VPS8: variants seen among roughly 807,000 people sequenced by gnomAD.
VPS8 encodes the protein VPS8 subunit of CORVET complex.
Under a neutral mutation model 216.4 loss-of-function variants are expected in VPS8, and 129 were observed. The observed-to-expected ratio is 0.60, with a 90% CI of 0.52 to 0.69. The LOEUF (loss-of-function observed/expected upper bound fraction) is 0.69. Among genes scored for constraint, VPS8 ranks in the 30% least tolerant of loss-of-function variants. The pLI, the probability that VPS8 is intolerant of heterozygous loss-of-function variation, is 0.00. For missense variants in VPS8, 1,531 were observed against 1,683.5 expected, an observed-to-expected ratio of 0.91 and a Z score of 1.59; for synonymous variants, 571 against 565.4, an observed-to-expected ratio of 1.01 and a Z score of -0.14.
At chr3:184,940,704 G>GGAAGGAAAGTTTCCTTCC (rs1742526736) in intron 36 of VPS8, among the ~76,000 whole-genome samples, 1 of 152,150 alleles carries the variant, frequency 6.6e-6, no homozygotes, top group Admixed American at 6.6e-5. Context: ...CTTCCTGATG[G>GGAAGGAAAGTTTCCTTCC]TGTGGGAAGG....
intron 23 of VPS8, among the ~76,000 whole-genome samples, chr3:184,897,313 A>G (rs1194348913): frequency 1.3e-5 from 2 of 152,122 alleles, no homozygotes; most frequent in African/African-American, 4.8e-5. Flanking sequence ...TTGCTGGTGA[A>G]TTGGGATATG....
intron 46 of VPS8, among the ~76,000 whole-genome samples, chr3:185,035,795 A>G (rs1758799746): frequency 6.6e-6 from 1 of 152,212 alleles, no homozygotes; most frequent in African/African-American, 2.4e-5. Flanking sequence ...AAGGCATCCA[A>G]ATAGGAAACA....
intron 4 of VPS8, among the ~76,000 whole-genome samples, chr3:184,833,145 G>A (rs568727152): frequency 6.6e-6 from 1 of 152,138 alleles, no homozygotes; most frequent in South Asian, 2.1e-4. Context: ...CTACTGTTCT[G>A]CCCACCCTCC....
intron 39 of VPS8, among the ~76,000 whole-genome samples, chr3:184,967,003 G>C (rs1005422006): frequency 6.9e-6 from 1 of 144,898 alleles, no homozygotes; most frequent in Non-Finnish European, 1.5e-5. Context: ...CTTTCGCTCT[G>C]TTGCCCAGGA....
At chr3:185,042,390 T>C (rs1366862116) in intron 46 of VPS8, among the ~76,000 whole-genome samples, 1 of 152,230 alleles carries the variant, frequency 6.6e-6, no homozygotes, top group Admixed American at 6.5e-5. Flanking sequence ...TTTTTTAAGA[T>C]CTTCCTGTAC....
chr3:184,998,099 G>A (rs1391796362), intron 44 of VPS8, among the ~76,000 whole-genome samples: 1 of 152,192 alleles, frequency 6.6e-6, no homozygotes, highest in African/African-American at 2.4e-5. Flanking sequence ...AGAGACTTCA[G>A]AGGAGCAGAG....
At chr3:184,993,412 G>T (rs906953413) in intron 42 of VPS8, among the ~76,000 whole-genome samples, 1 of 151,722 alleles carries the variant, frequency 6.6e-6, no homozygotes, top group Non-Finnish European at 1.5e-5. Flanking sequence ...TAATAAACAA[G>T]TTACTTGGCA....
chr3:184,989,601 T>C (rs567427380), intron 42 of VPS8, among the ~76,000 whole-genome samples: 11 of 152,296 alleles, frequency 7.2e-5, no homozygotes, highest in African/African-American at 2.4e-4. Flanking sequence ...CAGCCTTGCA[T>C]ACCTGGGATA....
chr3:184,993,905 G>A, intron 42 of VPS8, 78 bp from the exon 43 acceptor site: 2 of 1,120,684 alleles, frequency 1.8e-6, no homozygotes, highest in Admixed American at 3.0e-5. Context: ...AAAAGCATTT[G>A]GCTTTTTCAG....
chr3:184,971,549 T>C, intron 39 of VPS8, 100 bp from the exon 40 acceptor site: 4 of 720,372 alleles, frequency 5.6e-6, no homozygotes, highest in Non-Finnish European at 6.8e-6. Context: ...TACTAGAAAA[T>C]GAAGGTGATG....
Position 184,948,556 on chromosome 3 carries a change from C to A in VPS8, c.3035+8313C>A, listed in dbSNP as rs964988758. ...AAAAAGGGTCTTCAGGGCAGGAAGTCAAGCCACGGACTTTACCAGTAGTAA... is the reference window on the plus strand; with the variant it reads ...AAAAAGGGTCTTCAGGGCAGGAAGTAAAGCCACGGACTTTACCAGTAGTAA... On this transcript the variant is annotated intron_variant, in intron 36 of 47. Transcript: ENST00000625842. Among the ~76,000 whole-genome samples, 7 of 152,128 alleles carry A rather than the reference C, an allele frequency of 4.6e-5. No homozygotes were observed. In the East Asian group the frequency reaches 1.4e-3, roughly 29 times the overall value.
intron 8 of VPS8, among the ~76,000 whole-genome samples, chr3:184,844,431 TAAATAAA>T (rs905840147): frequency 9.2e-5 from 14 of 151,354 alleles, no homozygotes; most frequent in Admixed American, 4.0e-4. Flanking sequence ...AAAAAATAAA[TAAATAAA>T]AAATAAAAAA....
At chr3:184,894,506 A>ATG (rs1732971816) in intron 22 of VPS8, among the ~76,000 whole-genome samples, 197 bp from the exon 23 acceptor site, 1 of 97,924 alleles carries the variant, frequency 1.0e-5, no homozygotes, top group Non-Finnish European at 2.1e-5. Flanking sequence ...ATATATACAC[A>ATG]CGTATATATA....
intron 35 of VPS8, among the ~76,000 whole-genome samples, chr3:184,937,266 G>A (rs930078587): frequency 1.3e-4 from 20 of 152,180 alleles, no homozygotes; most frequent in African/African-American, 4.8e-4. Context: ...GTAGCCACAA[G>A]TGATAGAGGC....
intron 37 of VPS8, 88 bp downstream of exon 37, chr3:184,957,609 T>A (rs73885629): frequency 1.4e-6 from 2 of 1,396,056 alleles, no homozygotes; most frequent in African/African-American, 2.9e-5. Context: ...GGAAAAAATA[T>A]ATAATTTCTT....
In VPS8 at chr3:184,865,712, G is replaced by A. The variant is rs779035306; in HGVS notation, c.1396-1164G>A. On this transcript the variant is annotated intron_variant, in intron 16 of 47. Transcript: ENST00000625842. ...ATTAAAAGGTAAACATTGAGGCCAG[G>A]CGTGGTGGCTCTTGCCTGTAATCCC... Among the ~76,000 whole-genome samples, 38 of 152,224 alleles carry A rather than the reference G, an allele frequency of 2.5e-4. 1 individual carries two copies. Among genetic ancestry groups the A allele is most frequent in the Non-Finnish European group, 4.1e-4 (28 of 68,038 alleles).
intron 31 of VPS8, among the ~76,000 whole-genome samples, chr3:184,928,181 C>G (rs1373174261): frequency 6.6e-6 from 1 of 152,174 alleles, no homozygotes; most frequent in Non-Finnish European, 1.5e-5. Context: ...AGAGTCAGCT[C>G]AATGTCTAAT....
chr3:184,955,900 G>T (rs1373398714), intron 36 of VPS8, among the ~76,000 whole-genome samples: 1 of 151,634 alleles, frequency 6.6e-6, no homozygotes, highest in African/African-American at 2.4e-5. Context: ...GAGAACTAAG[G>T]TGGTGGTATA....
chr3:185,017,308 A>G (rs1002216691), intron 45 of VPS8, among the ~76,000 whole-genome samples: 3 of 152,182 alleles, frequency 2.0e-5, no homozygotes, highest in Admixed American at 6.5e-5. Flanking sequence ...GAAATGATTG[A>G]AATGTCTGCT....
Sources: allele counts gnomAD v4.1 joint callset (sites outside exome capture counted in the v4.1 genomes callset), GRCh38; gene constraint gnomAD v4.1.1; transcripts MANE v1.5; gene names NCBI Gene and HGNC (gene_info 2026-07-23, HGNC 2026-07-21).